The following ATP10B variants were observed in gnomAD, a reference collection of about 807,000 sequenced individuals.
ATP10B encodes phospholipid-transporting ATPase VB.
Under a neutral mutation model 141.2 loss-of-function variants are expected in ATP10B, and 122 were observed. The ratio of observed to expected loss-of-function variants is 0.86; its 90% CI spans 0.75 to 1.00. The LOEUF (loss-of-function observed/expected upper bound fraction) is 1.00. Ranked by LOEUF, ATP10B falls within the 50% of genes least tolerant of loss-of-function variation. The probability of loss-of-function intolerance (pLI) is 0.00; values close to 1 mark genes in which losing one functional copy is unlikely to be tolerated. For synonymous variants in ATP10B, 685 were observed against 692.0 expected, an observed-to-expected ratio of 0.99 and a Z score of 0.16; for missense variants, 1,876 against 1,825.3, an observed-to-expected ratio of 1.03 and a Z score of -0.51.
rs761721354 is a variant in ATP10B at position 160,632,244 on chromosome 5, G to C, written c.1505C>G (p.Ala502Gly). 1.2e-6 allele frequency: 2 copies of C among 1,614,168 alleles called. No homozygotes were observed. Among genetic ancestry groups the C allele is most frequent in the Admixed American group, 3.3e-5 (2 of 60,026 alleles). The stretch of plus-strand genomic sequence containing the variant: ...ACTCTGGCTCCTCCTCAGAGGCTGA[G>C]CACCTTTTTGGCTTCTCATAGTTGC... ...DPATMRSQKGAQPLRRSQSAR... is the reference protein window; with the variant it reads ...DPATMRSQKGGQPLRRSQSAR... The change falls in exon 13 of 26, where the codon GCT becomes GGT. Residue 502 changes from alanine to glycine, a missense_variant. Physicochemically the swap from Ala to Gly is moderately conservative, Grantham distance 60. Transcript: ENST00000327245.
In ATP10B at chr5:160,686,138, G is replaced by A. The variant is rs370013554; in HGVS notation, c.411C>T (p.Asp137=). Residue 137 remains aspartate, a synonymous_variant, in exon 6 of 26, where the codon GAC becomes GAT. Transcript: ENST00000327245. ...FVIMIKDGME[D]FKRHRFDKAI... is the part of the protein sequence containing the mutation. ...CTTTATCAAAGCGGTGTCTCTTGAA[G>A]TCCTCCATGCCATCCTTGATCATGA... 1 of 1,610,954 alleles carries A rather than the reference G, an allele frequency of 6.2e-7. No individual in the cohort carries two copies. The highest frequency in any genetic ancestry group is 1.3e-5 in the African/African-American group (1 of 74,854).
At chr5:160,729,741 A>G (rs1766606932) in intron 2 of ATP10B, among the ~76,000 whole-genome samples, 1 of 152,220 alleles carries the variant, frequency 6.6e-6, no homozygotes, top group African/African-American at 2.4e-5. Flanking sequence ...GATTTGAACT[A>G]TAAAGAGTGT....
chr5:160,587,251 A>T (rs759686655), intron 24 of ATP10B, among the ~76,000 whole-genome samples: 1 of 152,162 alleles, frequency 6.6e-6, no homozygotes, highest in East Asian at 1.9e-4. Flanking sequence ...GGTTTGTTGA[A>T]GATCAGATGG....
intron 2 of ATP10B, among the ~76,000 whole-genome samples, chr5:160,759,627 T>C (rs888587918): frequency 1.3e-5 from 2 of 152,208 alleles, no homozygotes; most frequent in Admixed American, 6.5e-5. Context: ...TAGACACCTA[T>C]GGCAATAGGC....
chr5:160,713,975 G>A (rs202129652), intron 3 of ATP10B, among the ~76,000 whole-genome samples: 9,123 of 21,062 alleles, frequency 0.43, 2,211 homozygotes, highest in Non-Finnish European at 0.53. Context: ...GGTTTCTGCC[G>A]AGAGATCCGC....
chr5:160,742,782 T>C (rs1234332634), intron 2 of ATP10B, among the ~76,000 whole-genome samples: 1 of 152,180 alleles, frequency 6.6e-6, no homozygotes, highest in Non-Finnish European at 1.5e-5. Context: ...TTTTGGGACT[T>C]CCTAGTTTCT....
the ATP10B span, among the ~76,000 whole-genome samples, chr5:160,900,932 T>TAA: frequency 7.9e-6 from 1 of 126,906 alleles, no homozygotes; most frequent in Non-Finnish European, 1.8e-5. Context: ...TTTTTTTTTT[T>TAA]TTAAGTCTTA....
chr5:160,846,141 A>T (rs1776102636), intron 1 of ATP10B, among the ~76,000 whole-genome samples: 1 of 152,044 alleles, frequency 6.6e-6, no homozygotes, highest in African/African-American at 2.4e-5. Context: ...GTGTCAGTCC[A>T]CAAACTGTTT....
the ATP10B span, among the ~76,000 whole-genome samples, chr5:160,869,713 G>T: frequency 6.6e-6 from 1 of 152,164 alleles, no homozygotes. Context: ...ACCATGGCTT[G>T]CTGGAAAACA....
At chr5:160,650,449 G>C (rs962920247) in intron 7 of ATP10B, among the ~76,000 whole-genome samples, 3 of 152,122 alleles carry the variant, frequency 2.0e-5, no homozygotes, top group Admixed American at 2.0e-4. Flanking sequence ...AGCATGAGAG[G>C]ATAATGAAGG....
the ATP10B span, among the ~76,000 whole-genome samples, chr5:160,922,005 G>C: frequency 6.6e-6 from 1 of 152,216 alleles, no homozygotes; most frequent in Non-Finnish European, 1.5e-5. Context: ...TGATAGAGAT[G>C]GGGAACACAA....
At chr5:160,590,685 G>C (rs759512598) in intron 23 of ATP10B, among the ~76,000 whole-genome samples, 16 of 152,192 alleles carry the variant, frequency 1.1e-4, no homozygotes, top group Non-Finnish European at 1.9e-4. Flanking sequence ...TACCTTCAGT[G>C]TTCAAGTAGG....
chr5:160,567,646 G>T (rs183389038), intron 25 of ATP10B, among the ~76,000 whole-genome samples: 6 of 152,142 alleles, frequency 3.9e-5, no homozygotes. Flanking sequence ...AAAGGGATGA[G>T]AATCAAAACC....
the ATP10B span, among the ~76,000 whole-genome samples, chr5:160,872,956 C>CT: frequency 6.6e-6 from 1 of 152,120 alleles, no homozygotes; most frequent in Middle Eastern, 3.4e-3. Flanking sequence ...TTCTAAATTG[C>CT]TTTTGGTGGT....
intron 3 of ATP10B, among the ~76,000 whole-genome samples, chr5:160,690,476 C>T (rs1224511774): frequency 1.3e-5 from 2 of 152,120 alleles, no homozygotes; most frequent in Non-Finnish European, 2.9e-5. Context: ...GGGCTAATAT[C>T]CAGAATCTAC....
At chr5:160,692,810 A>G (rs1008451902) in intron 3 of ATP10B, 2 of 152,148 alleles carry the variant, frequency 1.3e-5, no homozygotes, top group African/African-American at 2.4e-5. Context: ...TTTAGCCCCA[A>G]ACTCCTCACG....
intron 2 of ATP10B, among the ~76,000 whole-genome samples, chr5:160,773,401 G>A (rs1770050367): frequency 6.6e-6 from 1 of 152,136 alleles, no homozygotes; most frequent in African/African-American, 2.4e-5. Context: ...TATTTTAAAG[G>A]CACCTTGTGT....
At chr5:160,742,617 C>T (rs746162088) in intron 2 of ATP10B, among the ~76,000 whole-genome samples, 3 of 152,194 alleles carry the variant, frequency 2.0e-5, no homozygotes, top group Non-Finnish European at 2.9e-5. Context: ...TCTCCCCTGT[C>T]ATTCTGAACT....
chr5:160,829,172 C>T (rs971385341), intron 1 of ATP10B, among the ~76,000 whole-genome samples: 40 of 151,690 alleles, frequency 2.6e-4, no homozygotes, highest in Non-Finnish European at 4.4e-4. Flanking sequence ...CTAACCTGCA[C>T]ATTGTGCACA....
Sources: gnomAD v4.1 joint callset for allele counts (sites outside exome capture counted in the v4.1 genomes callset) on GRCh38, gnomAD v4.1.1 for gene constraint, MANE v1.5 for transcripts, NCBI Gene and HGNC (gene_info 2026-07-23, HGNC 2026-07-21) for gene names.